CCDC178: variants seen among roughly 807,000 people sequenced by gnomAD.
CCDC178 encodes coiled-coil domain containing 178.
CCDC178 carries 126 observed loss-of-function variants against 117.4 expected under a neutral mutation model. The observed-to-expected ratio is 1.07, with a 90% confidence interval of 0.93 to 1.24. The LOEUF is 1.24. CCDC178 is among the 50% of genes most tolerant of loss of function. The probability of loss-of-function intolerance (pLI) is 0.00; values close to 1 mark genes in which losing one functional copy is unlikely to be tolerated. For synonymous variants in CCDC178, 283 were observed against 313.4 expected, an observed-to-expected ratio of 0.90 and a Z score of 1.02; for missense variants, 1,030 against 986.9, an observed-to-expected ratio of 1.04 and a Z score of -0.59.
rs976704759 is a variant in CCDC178 at position 33,363,782 on chromosome 18, T to C, written c.348+6268A>G. 2.6e-5 allele frequency among the ~76,000 whole-genome samples: 4 copies of C among 152,076 alleles called. No individual in the cohort carries two copies. In the East Asian group the frequency reaches 5.8e-4, roughly 22 times the overall value. ...GTTACAGAACATGTAATTATGGATA[T>C]TCATGATACCAGAAAGATATAAAAC... On this transcript the variant is annotated intron_variant, in intron 6 of 22. Transcript: ENST00000383096.
intron 12 of CCDC178, among the ~76,000 whole-genome samples, chr18:33,268,119 T>C (rs1298046689): frequency 1.3e-5 from 2 of 151,704 alleles, no homozygotes; most frequent in Non-Finnish European, 3.0e-5. Flanking sequence ...TATAGCAAAA[T>C]GGAGTAGTCT....
At chr18:33,218,002 T>C (rs1024998256) in intron 18 of CCDC178, among the ~76,000 whole-genome samples, 6 of 152,140 alleles carry the variant, frequency 3.9e-5, no homozygotes, top group African/African-American at 1.4e-4. Flanking sequence ...TGCTGTTATG[T>C]CTGTGCACTT....
At position 33,293,418 on chromosome 18, in the gene CCDC178, T is replaced by C. The variant is rs369049134; in HGVS notation, c.1023-106A>G. The C allele has an allele frequency of 9.0e-5, 54 of 602,446 alleles. No individual in the cohort carries two copies. In the African/African-American group the frequency reaches 9.2e-4, roughly 10 times the overall value. The allele number at this position is 602,446 out of a possible 1,614,324, so 37.3% of individuals were successfully genotyped here. A position where few individuals can be genotyped will look rare whatever the true frequency, so the allele number is the denominator to read the frequency against. On this transcript the variant is annotated intron_variant, in intron 11 of 22. Transcript: ENST00000383096. ...GCTCATGCCTGTAATCTCAGCACTTTGGGAGGCCAAGGTAGCAGATGGCTT... is the reference window on the plus strand; with the variant it reads ...GCTCATGCCTGTAATCTCAGCACTTCGGGAGGCCAAGGTAGCAGATGGCTT...
At chr18:33,365,797 C>T (rs924247134) in intron 6 of CCDC178, among the ~76,000 whole-genome samples, 2 of 151,946 alleles carry the variant, frequency 1.3e-5, no homozygotes, top group Non-Finnish European at 2.9e-5. Flanking sequence ...AAACTATTTA[C>T]AGTCTAGGCA....
At chr18:33,361,574 T>C (rs561022296) in intron 6 of CCDC178, among the ~76,000 whole-genome samples, 10 of 151,022 alleles carry the variant, frequency 6.6e-5, no homozygotes, top group South Asian at 2.1e-4. Flanking sequence ...TGATAAGGAG[T>C]TAATATGAAA....
chr18:33,174,769 T>G (rs2058643925), intron 20 of CCDC178, among the ~76,000 whole-genome samples: 1 of 152,170 alleles, frequency 6.6e-6, no homozygotes, highest in South Asian at 2.1e-4. Flanking sequence ...CTATCTTTAT[T>G]ATATCCCAAA....
chr18:33,022,114 T>C (rs1229321197), intron 21 of CCDC178, among the ~76,000 whole-genome samples: 1 of 152,202 alleles, frequency 6.6e-6, no homozygotes, highest in African/African-American at 2.4e-5. Context: ...TATGTTCTTC[T>C]AGTATTCTCA....
chr18:32,959,780 A>G (rs1408282494), intron 22 of CCDC178, among the ~76,000 whole-genome samples: 1 of 152,068 alleles, frequency 6.6e-6, no homozygotes, highest in Non-Finnish European at 1.5e-5. Context: ...TTTTCAAACG[A>G]AAAGTTCTGT....
intron 20 of CCDC178, among the ~76,000 whole-genome samples, chr18:33,096,421 A>G (rs1002158164): frequency 5.9e-4 from 88 of 150,016 alleles, no homozygotes; most frequent in Middle Eastern, 7.1e-3. Context: ...CCTATATCAT[A>G]TTTCTGTTTC....
chr18:33,159,110 A>T (rs1271480293), intron 20 of CCDC178, among the ~76,000 whole-genome samples: 1 of 152,100 alleles, frequency 6.6e-6, no homozygotes, highest in African/African-American at 2.4e-5. Flanking sequence ...AGGCCATGTG[A>T]TTAATTTATT....
intron 20 of CCDC178, among the ~76,000 whole-genome samples, chr18:33,180,774 T>C (rs2058725013): frequency 6.6e-6 from 1 of 152,090 alleles, no homozygotes; most frequent in Non-Finnish European, 1.5e-5. Context: ...AAATTTCCTT[T>C]AGCTATACAA....
At chr18:33,403,091 A>G (rs1325468585) in intron 3 of CCDC178, among the ~76,000 whole-genome samples, 1 of 152,134 alleles carries the variant, frequency 6.6e-6, no homozygotes, top group Non-Finnish European at 1.5e-5. Flanking sequence ...ACACACAGAA[A>G]AGACCCATGA....
At chr18:33,308,908 C>A (rs548712122) in intron 11 of CCDC178, among the ~76,000 whole-genome samples, 2 of 152,274 alleles carry the variant, frequency 1.3e-5, no homozygotes, top group Non-Finnish European at 2.9e-5. Flanking sequence ...AACTGTGAAT[C>A]AATTAAACCT....
chr18:33,096,963 C>G (rs762675255), intron 20 of CCDC178, among the ~76,000 whole-genome samples: 27 of 152,148 alleles, frequency 1.8e-4, no homozygotes, highest in Non-Finnish European at 3.4e-4. Context: ...GTAAGAAAGA[C>G]AAGGCCGAGA....
chr18:32,960,677 C>T (rs1379134619), intron 22 of CCDC178, among the ~76,000 whole-genome samples: 1 of 152,088 alleles, frequency 6.6e-6, no homozygotes, highest in African/African-American at 2.4e-5. Context: ...GTACTCCTCT[C>T]TACCCCAGCA....
chr18:33,087,996 G>C (rs1048835542), intron 21 of CCDC178, among the ~76,000 whole-genome samples: 1 of 152,054 alleles, frequency 6.6e-6, no homozygotes, highest in Non-Finnish European at 1.5e-5. Context: ...ATATAGAAAT[G>C]TTGTCCAATG....
chr18:33,361,109 A>T (rs1417054459), intron 6 of CCDC178, among the ~76,000 whole-genome samples: 2 of 151,748 alleles, frequency 1.3e-5, no homozygotes, highest in Admixed American at 6.6e-5. Flanking sequence ...AGCAATCATA[A>T]TCAAAACAGT....
intron 2 of CCDC178, 72 bp from the exon 3 acceptor site, chr18:33,412,182 C>A: frequency 1.7e-6 from 1 of 597,260 alleles, no homozygotes; most frequent in Non-Finnish European, 2.8e-6. Context: ...TAAAAATTGT[C>A]AATTCAAGAA....
At chr18:33,293,055 A>T in intron 12 of CCDC178, 104 bp downstream of exon 12, 1 of 712,308 alleles carries the variant, frequency 1.4e-6, no homozygotes, top group East Asian at 2.9e-5. Flanking sequence ...TTGGCTAAAT[A>T]TAAAAAAATT....
Sources: allele counts gnomAD v4.1 joint callset (sites outside exome capture counted in the v4.1 genomes callset), GRCh38; gene constraint gnomAD v4.1.1; transcripts MANE v1.5; gene names NCBI Gene and HGNC (gene_info 2026-07-23, HGNC 2026-07-21).